The following SOS2 variants were observed in gnomAD, a reference collection of about 807,000 sequenced individuals.
The protein encoded by SOS2 is SOS Ras/Rho guanine nucleotide exchange factor 2, also known as son of sevenless homolog 2.
SOS2 carries 65 observed loss-of-function variants against 148.2 expected under a neutral mutation model. The observed-to-expected ratio is 0.44, with a 90% CI of 0.36 to 0.54. The LOEUF (loss-of-function observed/expected upper bound fraction) is 0.54, where lower values mean the gene tolerates loss of function less well. Among genes scored for constraint, SOS2 ranks in the 20% least tolerant of loss-of-function variants. SOS2 has a pLI of 0.00. For missense variants in SOS2, 1,341 were observed against 1,590.2 expected, an observed-to-expected ratio of 0.84 and a Z score of 2.67; for synonymous variants, 539 against 537.1, an observed-to-expected ratio of 1.00 and a Z score of -0.05.
At chr14:50,207,789 T>C (rs6572650) in intron 1 of SOS2, among the ~76,000 whole-genome samples, 138,324 of 151,472 alleles carry the variant, frequency 0.91, 63,321 homozygotes, top group African/African-American at 0.96. Context: ...GCTTGTAATC[T>C]TAGCTACTTG....
At chr14:50,229,260 G>T (rs771493212) in intron 1 of SOS2, among the ~76,000 whole-genome samples, 1 of 151,990 alleles carries the variant, frequency 6.6e-6, no homozygotes, top group South Asian at 2.1e-4. Flanking sequence ...TTTTCCATAC[G>T]TATGTATTTC....
At chr14:50,156,245 C>T (rs1383774261) in intron 12 of SOS2, 1 of 147,172 alleles carries the variant, frequency 6.8e-6, no homozygotes, top group Non-Finnish European at 1.5e-5. Flanking sequence ...ATTTTCAATG[C>T]TTAGTGGTAC....
At chr14:50,213,999 C>G (rs572410723) in intron 1 of SOS2, among the ~76,000 whole-genome samples, 1 of 151,678 alleles carries the variant, frequency 6.6e-6, no homozygotes, top group African/African-American at 2.4e-5. Context: ...GCAATATAAG[C>G]ACTTTTTCTT....
intron 1 of SOS2, among the ~76,000 whole-genome samples, chr14:50,206,163 CTTT>C (rs1886652901): frequency 1.3e-5 from 2 of 152,066 alleles, no homozygotes; most frequent in African/African-American, 4.8e-5. Context: ...ATTTCTTCTG[CTTT>C]TTATGTTCTT....
intron 4 of SOS2, among the ~76,000 whole-genome samples, chr14:50,196,038 A>C (rs1239976349): frequency 6.6e-6 from 1 of 152,164 alleles, no homozygotes; most frequent in East Asian, 1.9e-4. Context: ...AAAAAGAAAA[A>C]AAACAAAAAC....
chr14:50,152,783 G>A (rs971193998), intron 13 of SOS2, among the ~76,000 whole-genome samples: 9 of 151,960 alleles, frequency 5.9e-5, no homozygotes, highest in Non-Finnish European at 1.3e-4. Flanking sequence ...TGGTGAATGT[G>A]GTGAAATACC....
chr14:50,188,474 T>A, intron 5 of SOS2, 23 bp downstream of exon 5: 1 of 1,528,254 alleles, frequency 6.5e-7, no homozygotes, highest in Non-Finnish European at 9.0e-7. Flanking sequence ...TACACAGAAT[T>A]TCAAACCCAA....
At chr14:50,211,737 C>T (rs1288914853) in intron 1 of SOS2, among the ~76,000 whole-genome samples, 1 of 152,072 alleles carries the variant, frequency 6.6e-6, no homozygotes, top group Non-Finnish European at 1.5e-5. Context: ...GGATTACAGG[C>T]ATGAGCCACC....
At chr14:50,147,916 TTC>T (rs1175355659) in intron 14 of SOS2, among the ~76,000 whole-genome samples, 1 of 148,732 alleles carries the variant, frequency 6.7e-6, no homozygotes, top group African/African-American at 2.5e-5. Context: ...AGGCCAGGAG[TTC>T]AAGGCCAGCC....
In SOS2 at chr14:50,129,999, C is replaced by G; in HGVS notation, c.3341G>C (p.Ser1114Thr). The change falls in exon 21 of 23, where the codon AGC becomes ACC. Residue 1114 changes from serine to threonine, a missense_variant. Physicochemically the swap from Ser to Thr is moderately conservative, Grantham distance 58. Coordinates refer to ENST00000216373, the MANE Select transcript of SOS2 (RefSeq NM_006939.4). The part of the protein sequence containing the change: ...LDVDLNSSCG[S>T]NSIFAPVLLP... ...AAGCACTGGAGCAAAGATGCTATTG[C>G]TGCCTATTGGAATAAGAAAAATTAA... 6.3e-7 allele frequency: 1 copy of G among 1,586,920 alleles called. No individual in the cohort carries two copies. Among genetic ancestry groups the G allele is most frequent in the Non-Finnish European group, 8.6e-7 (1 of 1,159,858 alleles).
intron 14 of SOS2, among the ~76,000 whole-genome samples, chr14:50,147,181 GTGAGACCCCAT>G (rs1884512092): frequency 6.6e-6 from 1 of 151,994 alleles, no homozygotes; most frequent in Non-Finnish European, 1.5e-5. Context: ...GGGTGACAGA[GTGAGACCCCAT>G]CTTAAACAAA....
intron 7 of SOS2, among the ~76,000 whole-genome samples, chr14:50,177,796 G>T (rs923639267): frequency 4.6e-5 from 7 of 152,160 alleles, no homozygotes; most frequent in Admixed American, 1.3e-4. Context: ...AAGGCAGGGA[G>T]AAGATGGTAA....
rs777965938 is a variant in SOS2, at chr14:50,118,295, A to G, written c.*49T>C. ...GTCTTTTTTTGAATAAATTAAAAAA[A>G]AAACTTTACAAATACCATTCCAGTG... On this transcript the variant is annotated 3_prime_UTR_variant, in exon 23 of 23. Coordinates refer to ENST00000216373, the MANE Select transcript of SOS2 (RefSeq NM_006939.4). The G allele has an allele frequency of 3.8e-4, 562 of 1,468,900 alleles. No homozygotes were observed. The highest frequency in any genetic ancestry group is 4.7e-4 in the Non-Finnish European group (514 of 1,090,490). The allele number at this position is 1,468,900 out of a possible 1,614,324, so 91.0% of individuals were successfully genotyped here. A position where few individuals can be genotyped will look rare whatever the true frequency, so the allele number is the denominator to read the frequency against.
intron 21 of SOS2, among the ~76,000 whole-genome samples, chr14:50,126,204 C>T (rs1395974313): frequency 6.6e-6 from 1 of 152,148 alleles, no homozygotes; most frequent in Non-Finnish European, 1.5e-5. Context: ...AAAGAGACAA[C>T]ACTAGAAACA....
chr14:50,169,585 A>G (rs1472618141), intron 8 of SOS2, among the ~76,000 whole-genome samples: 1 of 152,052 alleles, frequency 6.6e-6, no homozygotes, highest in Non-Finnish European at 1.5e-5. Context: ...GGTTGCAGTG[A>G]GCCAAGATTG....
intron 1 of SOS2, among the ~76,000 whole-genome samples, chr14:50,229,260 G>A (rs771493212): frequency 5.3e-5 from 8 of 151,872 alleles, no homozygotes; most frequent in Non-Finnish European, 1.0e-4. Flanking sequence ...TTTTCCATAC[G>A]TATGTATTTC....
At chr14:50,162,152 T>C (rs1220565607) in intron 8 of SOS2, among the ~76,000 whole-genome samples, 4 of 151,346 alleles carry the variant, frequency 2.6e-5, no homozygotes, top group Non-Finnish European at 5.9e-5. Context: ...GGACATTTTA[T>C]TTTTATTTTT....
Position 50,120,282 on chromosome 14 carries a change from T to G in SOS2, c.3482A>C (p.Asn1161Thr). ...TAAAGTCCTGTTGATTACCTTGGAA[T>G]TTGAAGCATCATGATCAAACTTTTT... ...PRKKFDHDAS[N>T]SKGNMKSDDD... The change falls in exon 22 of 23, where the codon AAT (asparagine) becomes ACT (threonine). Residue 1161 changes from asparagine (N) to threonine (T), a missense_variant. Physicochemically the swap from Asn to Thr is moderately conservative, Grantham distance 65. Around this residue, in one of 4 missense-constraint regions of SOS2, gnomAD observed 354 missense variants for 347.7 expected, o/e 1.02. Transcript: ENST00000216373. The G allele has an allele frequency of 6.5e-7, 1 of 1,532,950 alleles. No homozygotes were observed. The highest frequency in any genetic ancestry group is 9.0e-7 in the Non-Finnish European group (1 of 1,109,590). 95.0% of individuals were successfully genotyped at this position (1,532,950 alleles called of 1,614,324 possible).
intron 5 of SOS2, among the ~76,000 whole-genome samples, chr14:50,182,958 T>C (rs1042597593): frequency 3.3e-5 from 5 of 152,256 alleles, no homozygotes; most frequent in Admixed American, 2.0e-4. Flanking sequence ...TTAACTAGCA[T>C]ATCTTTTATT....
Sources: allele counts gnomAD v4.1 joint callset (sites outside exome capture counted in the v4.1 genomes callset), GRCh38; gene constraint gnomAD v4.1.1; regional missense constraint gnomAD v4.1.1; transcripts MANE v1.5; gene names NCBI Gene and HGNC (gene_info 2026-07-23, HGNC 2026-07-21).